RAB3IP: variants seen among roughly 807,000 people sequenced by gnomAD.
RAB3IP encodes the protein RAB3A interacting protein, also known as rab-3A-interacting protein.
A neutral mutation model predicts 59.1 loss-of-function variants in RAB3IP; 36 were observed. That is an observed-to-expected ratio of 0.61 (90% CI 0.47 to 0.80). The LOEUF (loss-of-function observed/expected upper bound fraction) is 0.80. Ranked by LOEUF, RAB3IP falls within the 30% of genes least tolerant of loss-of-function variation. The pLI is 0.00. For missense variants in RAB3IP, 511 were observed against 536.0 expected (o/e 0.95, Z 0.46); for synonymous variants, 207 against 191.2 (o/e 1.08, Z -0.68).
chr12:69,799,057 A>G (rs1877969645), intron 6 of RAB3IP, among the ~76,000 whole-genome samples: 2 of 152,332 alleles, frequency 1.3e-5, no homozygotes, highest in East Asian at 1.9e-4. Context: ...AGTATTGCTT[A>G]TATGCTAATA....
intron 1 of RAB3IP, among the ~76,000 whole-genome samples, chr12:69,746,848 G>A (rs1237652007): frequency 6.6e-6 from 1 of 152,054 alleles, no homozygotes; most frequent in Non-Finnish European, 1.5e-5. Flanking sequence ...GAAGTCATTT[G>A]GGAATTTAAA....
At chr12:69,795,551 AC>A in intron 6 of RAB3IP, 1 of 594,066 alleles carries the variant, frequency 1.7e-6, no homozygotes, top group Non-Finnish European at 3.0e-6. Context: ...CCTGCTGGAA[AC>A]TTGGTAAGTT....
chr12:69,767,986 G>A (rs911614671), intron 3 of RAB3IP, among the ~76,000 whole-genome samples: 1 of 152,166 alleles, frequency 6.6e-6, no homozygotes, highest in African/African-American at 2.4e-5. Flanking sequence ...AATGCCTGGA[G>A]ATCTGCTTGG....
chr12:69,804,330 A>G (rs1317362532), intron 8 of RAB3IP, among the ~76,000 whole-genome samples: 1 of 152,118 alleles, frequency 6.6e-6, no homozygotes, highest in African/African-American at 2.4e-5. Context: ...TCCTTTGCCC[A>G]CTTTTTGATG....
intron 8 of RAB3IP, among the ~76,000 whole-genome samples, chr12:69,809,013 G>C (rs1259297775): frequency 1.3e-5 from 2 of 151,714 alleles, no homozygotes; most frequent in African/African-American, 2.4e-5. Context: ...TTTACAATTT[G>C]GCATGTTTTT....
In RAB3IP at chr12:69,821,377, A is replaced by G. The variant is rs1350785846; in HGVS notation, c.*5931A>G. The stretch of plus-strand genomic sequence containing the variant: ...GACCATAATCAGGAAAATACGCATC[A>G]TATTTGTTATTCACTGAGAGGGAGG... On this transcript the variant is annotated 3_prime_UTR_variant, in exon 11 of 11. Coordinates refer to ENST00000247833, the MANE Select transcript of RAB3IP (RefSeq NM_022456.5). The G allele has an allele frequency of 6.6e-6, 1 of 152,232 alleles. No individual in the cohort carries two copies. The highest frequency in any genetic ancestry group is 1.5e-5 in the Non-Finnish European group (1 of 68,050). The allele number at this position is 152,232 out of a possible 1,614,324, so 9.4% of individuals were successfully genotyped here. A position where few individuals can be genotyped will look rare whatever the true frequency, so the allele number is the denominator to read the frequency against.
intron 3 of RAB3IP, among the ~76,000 whole-genome samples, chr12:69,767,600 G>A (rs903326914): frequency 2.0e-5 from 3 of 152,202 alleles, no homozygotes; most frequent in Non-Finnish European, 2.9e-5. Context: ...CATGGGAGTC[G>A]GAGTAGCCTA....
At chr12:69,768,372 A>G (rs1044512997) in intron 3 of RAB3IP, among the ~76,000 whole-genome samples, 15 of 152,138 alleles carry the variant, frequency 9.9e-5, no homozygotes, top group African/African-American at 3.1e-4. Flanking sequence ...CTGCACCACA[A>G]TCTATGTCCA....
intron 6 of RAB3IP, 25 bp downstream of exon 6, chr12:69,795,369 C>T: frequency 6.4e-7 from 1 of 1,574,382 alleles, no homozygotes; most frequent in Middle Eastern, 1.7e-4. Flanking sequence ...ACTGTCCCCT[C>T]TGACTCTGTT....
intron 5 of RAB3IP, 52 bp downstream of exon 5, chr12:69,794,566 T>A (rs35394896): frequency 0.095 from 130,039 of 1,366,168 alleles, 6,764 homozygotes; most frequent in South Asian, 0.17. Flanking sequence ...ATAACTGTTT[T>A]AAAGATACCT....
chr12:69,742,566 G>C (rs1385875660), intron 1 of RAB3IP, among the ~76,000 whole-genome samples: 1 of 152,130 alleles, frequency 6.6e-6, no homozygotes, highest in Admixed American at 6.5e-5. Flanking sequence ...CAAGTGCTTC[G>C]AGAGTAGGGC....
chr12:69,783,529 C>T (rs1223355973), intron 3 of RAB3IP, among the ~76,000 whole-genome samples: 1 of 152,160 alleles, frequency 6.6e-6, no homozygotes, highest in African/African-American at 2.4e-5. Flanking sequence ...CTCTTTGTTA[C>T]GTACTCCTCT....
intron 1 of RAB3IP, among the ~76,000 whole-genome samples, chr12:69,749,741 C>G (rs1426838941): frequency 6.6e-6 from 1 of 152,108 alleles, no homozygotes; most frequent in Non-Finnish European, 1.5e-5. Flanking sequence ...TTCGGGAATC[C>G]TTTGTCTCTG....
chr12:69,822,076 A>T lies in RAB3IP; in HGVS notation c.*6630A>T, dbSNP rs949332287. 2 of 152,150 alleles carry T rather than the reference A, an allele frequency of 1.3e-5. No homozygotes were observed. Among genetic ancestry groups the T allele is most frequent in the Admixed American group, 1.3e-4 (2 of 15,272 alleles). The allele number at this position is 152,150 out of a possible 1,614,324, so 9.4% of individuals were successfully genotyped here. ...TTACTTGGCAGTGGATTATAGTGTG[A>T]TGACTCATTTCCGGTGGTCTCCAGG... On this transcript the variant is annotated 3_prime_UTR_variant, in exon 11 of 11. Transcript: ENST00000247833.
At chr12:69,743,936 A>C (rs980721988) in intron 1 of RAB3IP, among the ~76,000 whole-genome samples, 1 of 150,298 alleles carries the variant, frequency 6.7e-6, no homozygotes, top group Non-Finnish European at 1.5e-5. Context: ...TCTTAAGAGA[A>C]TATGTAAAAT....
intron 1 of RAB3IP, among the ~76,000 whole-genome samples, chr12:69,752,920 A>G (rs996377089): frequency 2.0e-5 from 3 of 152,222 alleles, no homozygotes; most frequent in Admixed American, 6.5e-5. Flanking sequence ...ATGAATAAAA[A>G]ATGAAAATTC....
chr12:69,786,144 A>G (rs1027327323), intron 4 of RAB3IP, among the ~76,000 whole-genome samples: 2 of 152,164 alleles, frequency 1.3e-5, no homozygotes, highest in African/African-American at 4.8e-5. Flanking sequence ...TCAGGTATGT[A>G]TGTATTCTTA....
chr12:69,766,157 T>TAA (rs1331933318), intron 3 of RAB3IP, among the ~76,000 whole-genome samples: 2 of 152,256 alleles, frequency 1.3e-5, no homozygotes, highest in Non-Finnish European at 2.9e-5. Context: ...TTTTGGATAG[T>TAA]ATCTTGCAGT....
At chr12:69,807,183 C>G (rs1013762972) in intron 8 of RAB3IP, among the ~76,000 whole-genome samples, 4 of 150,162 alleles carry the variant, frequency 2.7e-5, no homozygotes, top group African/African-American at 9.8e-5. Context: ...AGAGGAGCTC[C>G]TCACATCCCA....
Sources: allele counts gnomAD v4.1 joint callset (sites outside exome capture counted in the v4.1 genomes callset), GRCh38; gene constraint gnomAD v4.1.1; transcripts MANE v1.5; gene names NCBI Gene and HGNC (gene_info 2026-07-23, HGNC 2026-07-21).